The following ARMH4 variants were observed in gnomAD, a reference collection of about 807,000 sequenced individuals.
The protein encoded by ARMH4 is armadillo-like helical domain-containing protein 4.
A neutral mutation model predicts 61.9 loss-of-function variants in ARMH4; 49 were observed. That is an observed-to-expected ratio of 0.79 (90% CI 0.63 to 1.00). ARMH4 has a LOEUF of 1.00. Among genes scored for constraint, ARMH4 ranks in the 50% least tolerant of loss-of-function variants. The probability of loss-of-function intolerance (pLI) is 0.00; values close to 1 mark genes in which losing one functional copy is unlikely to be tolerated. For synonymous variants in ARMH4, 368 were observed against 341.5 expected, an observed-to-expected ratio of 1.08 and a Z score of -0.85; for missense variants, 934 against 930.0, an observed-to-expected ratio of 1.00 and a Z score of -0.06.
chr14:58,111,799 C>T (rs912215818), intron 4 of ARMH4, among the ~76,000 whole-genome samples: 3 of 152,022 alleles, frequency 2.0e-5, no homozygotes, highest in African/African-American at 7.3e-5. Context: ...CTCAAGCAAT[C>T]CTCCTACCTC....
chr14:58,045,160 CA>C, intron 5 of ARMH4, among the ~76,000 whole-genome samples: 1 of 152,306 alleles, frequency 6.6e-6, no homozygotes. Context: ...GACACATGCA[CA>C]TGTATGTTGA....
At chr14:58,049,606 C>T (rs916935593) in intron 5 of ARMH4, among the ~76,000 whole-genome samples, 1 of 152,062 alleles carries the variant, frequency 6.6e-6, no homozygotes, top group African/African-American at 2.4e-5. Flanking sequence ...TGACCCAGGT[C>T]CTGCCTTCAA....
chr14:58,075,398 T>TA lies in ARMH4; in HGVS notation c.2089+21325dup, dbSNP rs1952504337. On this transcript the variant is annotated intron_variant, in intron 5 of 7. Coordinates refer to ENST00000267485, the MANE Select transcript of ARMH4 (RefSeq NM_001001872.4). ...GACTGGATAAAGAAAATATGGCACA[T>TA]ATACACCATGGAATACTATGCAGCC... 2.0e-5 allele frequency among the ~76,000 whole-genome samples: 3 copies of TA among 152,258 alleles called. No individual in the cohort carries two copies. In the South Asian group the frequency reaches 6.2e-4, roughly 32 times the overall value.
rs1009849177 is a variant in ARMH4 at position 58,082,099 on chromosome 14, G to A, written c.2089+14625C>T. The stretch of plus-strand genomic sequence containing the variant: ...CTGTAAATCTCCTCACACTAAACTG[G>A]TTAAACTTAACAGTCAGTCAAAGAT... On this transcript the variant is annotated intron_variant, in intron 5 of 7. Transcript: ENST00000267485. Among the ~76,000 whole-genome samples, 9 of 152,132 alleles carry A rather than the reference G, an allele frequency of 5.9e-5. 1 individual carries two copies. Among genetic ancestry groups the A allele is most frequent in the South Asian group, 4.2e-4 (2 of 4,816 alleles).
intron 5 of ARMH4, among the ~76,000 whole-genome samples, chr14:58,087,241 C>T (rs1885412962): frequency 6.6e-6 from 1 of 152,178 alleles, no homozygotes; most frequent in Non-Finnish European, 1.5e-5. Flanking sequence ...CTTGACAGTT[C>T]ATTTAGGAGA....
chr14:58,151,680 C>T (rs1887926686), intron 1 of ARMH4, among the ~76,000 whole-genome samples: 1 of 152,246 alleles, frequency 6.6e-6, no homozygotes, highest in Non-Finnish European at 1.5e-5. Flanking sequence ...TTTTCGGGAA[C>T]TTCTCTCTCA....
At chr14:58,141,957 A>C (rs1311027995) in intron 1 of ARMH4, among the ~76,000 whole-genome samples, 1 of 152,170 alleles carries the variant, frequency 6.6e-6, no homozygotes, top group African/African-American at 2.4e-5. Flanking sequence ...CATTATTATA[A>C]GATAAAAAAA....
At chr14:58,124,878 C>T (rs1406020129) in intron 4 of ARMH4, among the ~76,000 whole-genome samples, 1 of 152,106 alleles carries the variant, frequency 6.6e-6, no homozygotes, top group Non-Finnish European at 1.5e-5. Context: ...GAACTAATAG[C>T]CCTCACTTGG....
intron 4 of ARMH4, among the ~76,000 whole-genome samples, chr14:58,130,398 C>T (rs545007086): frequency 2.4e-4 from 36 of 150,662 alleles, no homozygotes; most frequent in African/African-American, 9.0e-4. Flanking sequence ...AACCTCCTTC[C>T]CTTCGCTTTA....
intron 5 of ARMH4, among the ~76,000 whole-genome samples, chr14:58,086,518 A>G (rs1489019107): frequency 1.3e-5 from 2 of 152,176 alleles, no homozygotes; most frequent in Non-Finnish European, 2.9e-5. Context: ...CTGATCAGTT[A>G]CCATGTTTTC....
chr14:58,103,609 G>C (rs1886074722), intron 4 of ARMH4, among the ~76,000 whole-genome samples: 1 of 150,560 alleles, frequency 6.6e-6, no homozygotes, highest in Non-Finnish European at 1.5e-5. Flanking sequence ...TTTTTTTTTG[G>C]ATGTAGTCTT....
intron 5 of ARMH4, among the ~76,000 whole-genome samples, chr14:58,086,857 A>G (rs1885400813): frequency 6.6e-6 from 1 of 152,230 alleles, no homozygotes; most frequent in Non-Finnish European, 1.5e-5. Flanking sequence ...GGCCAGATCC[A>G]GGTGTAGACA....
In ARMH4 at chr14:58,013,275, C is replaced by T. The variant is rs556477203; in HGVS notation, c.2090-1125G>A. Among the ~76,000 whole-genome samples the T allele has an allele frequency of 8.5e-5, 13 of 152,300 alleles. No homozygotes were observed. The South Asian group carries it at 2.1e-3, about 24-fold the overall frequency. On this transcript the variant is annotated intron_variant, in intron 5 of 7. Coordinates refer to ENST00000267485, the MANE Select transcript of ARMH4 (RefSeq NM_001001872.4). The stretch of plus-strand genomic sequence containing the variant: ...AACACAAAAGTGGCCGTAGACAATA[C>T]ATAAATAAATGGGTTCAGCTATGTT...
chr14:58,023,002 T>C (rs1882897011), intron 5 of ARMH4, among the ~76,000 whole-genome samples: 1 of 152,244 alleles, frequency 6.6e-6, no homozygotes, highest in South Asian at 2.1e-4. Context: ...AAAAATACTT[T>C]ATTACCAAAA....
intron 5 of ARMH4, among the ~76,000 whole-genome samples, chr14:58,059,820 T>G (rs1255347806): frequency 6.6e-6 from 1 of 152,214 alleles, no homozygotes; most frequent in Non-Finnish European, 1.5e-5. Context: ...TCCTTCGATG[T>G]GTGCAGCATA....
intron 4 of ARMH4, among the ~76,000 whole-genome samples, chr14:58,126,708 A>G (rs1886906237): frequency 6.6e-6 from 1 of 152,228 alleles, no homozygotes; most frequent in Non-Finnish European, 1.5e-5. Flanking sequence ...AAAAACTGTC[A>G]GAAAAGAAAA....
intron 1 of ARMH4, among the ~76,000 whole-genome samples, chr14:58,146,989 T>C (rs1399892669): frequency 6.6e-6 from 1 of 152,222 alleles, no homozygotes; most frequent in East Asian, 1.9e-4. Flanking sequence ...GCTTTATATT[T>C]TCCTTTTCTT....
chr14:58,102,389 C>A (rs2043793282), intron 4 of ARMH4, among the ~76,000 whole-genome samples: 2 of 151,952 alleles, frequency 1.3e-5, no homozygotes, highest in African/African-American at 4.8e-5. Context: ...ACATCTGGGC[C>A]CCTAGAACCT....
chr14:58,055,464 TAC>T (rs1364515751), intron 5 of ARMH4, among the ~76,000 whole-genome samples: 1 of 152,238 alleles, frequency 6.6e-6, no homozygotes, highest in African/African-American at 2.4e-5. Flanking sequence ...GTCAGGATCT[TAC>T]AGTCTTAAAA....
Sources: gnomAD v4.1 joint callset for allele counts (sites outside exome capture counted in the v4.1 genomes callset) on GRCh38, gnomAD v4.1.1 for gene constraint, MANE v1.5 for transcripts, NCBI Gene and HGNC (gene_info 2026-07-23, HGNC 2026-07-21) for gene names.